The following TMPRSS15 variants were observed in gnomAD, a reference collection of about 807,000 sequenced individuals.
TMPRSS15 encodes the protein transmembrane serine protease 15, also known as enteropeptidase.
Under a neutral mutation model 125.3 loss-of-function variants are expected in TMPRSS15, and 128 were observed. The ratio of observed to expected loss-of-function variants is 1.02; its 90% CI spans 0.89 to 1.18. The LOEUF (loss-of-function observed/expected upper bound fraction) is 1.18, where lower values mean the gene tolerates loss of function less well. Among genes scored for constraint, TMPRSS15 ranks in the 50% most tolerant of loss-of-function variants. The pLI is 0.00. For synonymous variants in TMPRSS15, 446 were observed against 423.2 expected, an observed-to-expected ratio of 1.05 and a Z score of -0.66; for missense variants, 1,283 against 1,212.7, an observed-to-expected ratio of 1.06 and a Z score of -0.86.
At chr21:18,466,989 G>T (rs1330532386) in intron 1 of TMPRSS15, among the ~76,000 whole-genome samples, 1 of 152,126 alleles carries the variant, frequency 6.6e-6, no homozygotes, top group Non-Finnish European at 1.5e-5. Flanking sequence ...GTTCACAATA[G>T]CAAAGACTTG....
chr21:18,388,440 A>G (rs2075964316), intron 3 of TMPRSS15, among the ~76,000 whole-genome samples: 1 of 152,186 alleles, frequency 6.6e-6, no homozygotes, highest in Non-Finnish European at 1.5e-5. Flanking sequence ...ATAAAAGTCT[A>G]TATTCATCAA....
chr21:18,433,663 C>CAAAAAAAAAAA (rs58432155), intron 1 of TMPRSS15, among the ~76,000 whole-genome samples: 17 of 62,392 alleles, frequency 2.7e-4, no homozygotes, highest in East Asian at 5.1e-4. Flanking sequence ...GACCTTGTCT[C>CAAAAAAAAAAA]AAAAAAAAAA....
intron 23 of TMPRSS15, among the ~76,000 whole-genome samples, chr21:18,278,445 C>T (rs543126058): frequency 4.6e-5 from 7 of 151,950 alleles, no homozygotes; most frequent in Non-Finnish European, 7.4e-5. Context: ...ATAGGCTGGG[C>T]GCGGTGGCTC....
intron 24 of TMPRSS15, among the ~76,000 whole-genome samples, chr21:18,272,843 A>ATATT (rs1197945678): frequency 6.6e-6 from 1 of 152,240 alleles, no homozygotes; most frequent in African/African-American, 2.4e-5. Flanking sequence ...GTGAGATGCT[A>ATATT]TATTTATAAG....
rs1277418076 is a variant in TMPRSS15, at chr21:18,270,064, T to C, written c.2965A>G (p.Thr989Ala). 4.3e-6 allele frequency: 7 copies of C among 1,613,790 alleles called. No homozygotes were observed. The East Asian group carries it at 6.7e-5, about 15-fold the overall frequency. Residue 989 changes from threonine to alanine, a missense_variant, in exon 25 of 25, where the codon ACC (threonine) becomes GCC (alanine). Thr to Ala is a moderately conservative substitution (Grantham distance 58, BLOSUM62 0). Transcript: ENST00000284885. Reference protein sequence around the residue: ...ENNRWFLAGVTSFGYKCALPN... With the variant: ...ENNRWFLAGVASFGYKCALPN... Reference sequence around the variant, plus strand: ...AGGGCACACTTGTATCCAAATGAGGTCACACCAGCAAGGAACCACCTGTTG... The same window carrying C: ...AGGGCACACTTGTATCCAAATGAGGCCACACCAGCAAGGAACCACCTGTTG...
chr21:18,295,063 A>G (rs2074886792), intron 19 of TMPRSS15, among the ~76,000 whole-genome samples: 1 of 152,228 alleles, frequency 6.6e-6, no homozygotes, highest in Non-Finnish European at 1.5e-5. Flanking sequence ...TCATCATTCT[A>G]TAACACAGAG....
At chr21:18,342,945 A>C (rs2075463956) in intron 12 of TMPRSS15, among the ~76,000 whole-genome samples, 1 of 152,224 alleles carries the variant, frequency 6.6e-6, no homozygotes, top group South Asian at 2.1e-4. Flanking sequence ...TTTTAATTGC[A>C]AAGACCCTCA....
intron 21 of TMPRSS15, among the ~76,000 whole-genome samples, chr21:18,288,224 A>G (rs2074788575): frequency 6.6e-6 from 1 of 152,192 alleles, no homozygotes; most frequent in South Asian, 2.1e-4. Flanking sequence ...AAGTGAAACA[A>G]CTCACATGCA....
At chr21:18,440,353 A>G (rs997597313) in intron 1 of TMPRSS15, among the ~76,000 whole-genome samples, 2 of 100,286 alleles carry the variant, frequency 2.0e-5, no homozygotes, top group African/African-American at 3.6e-5. Flanking sequence ...AGCCTGGGCG[A>G]CAGAGCGAAA....
intron 18 of TMPRSS15, among the ~76,000 whole-genome samples, chr21:18,311,263 C>T (rs2075098791): frequency 6.6e-6 from 1 of 152,070 alleles, no homozygotes; most frequent in Admixed American, 6.6e-5. Context: ...AAAGCTTCTA[C>T]ACAGCAAAGG....
At chr21:18,368,289 T>C (rs1292208281) in intron 6 of TMPRSS15, among the ~76,000 whole-genome samples, 2 of 152,216 alleles carry the variant, frequency 1.3e-5, no homozygotes, top group East Asian at 1.9e-4. Flanking sequence ...ACGTCTCTAG[T>C]TTCAAAGATG....
intron 4 of TMPRSS15, among the ~76,000 whole-genome samples, chr21:18,380,167 T>TCACTCACACACA (rs144691737): frequency 1.5e-4 from 21 of 139,414 alleles, no homozygotes; most frequent in African/African-American, 5.6e-4. Context: ...TATGGAGATG[T>TCACTCACACACA]CACACACACA....
rs28473094 is a variant in TMPRSS15, at chr21:18,284,706, T to A, written c.2487-3485A>T. On this transcript the variant is annotated intron_variant, in intron 21 of 24. Transcript: ENST00000284885. Reference sequence around the variant, plus strand: ...AGGAAATCCCCAATCCGGTGGAGGATAAAGATCGCAAAGATAGGGCATCTT... The same window carrying A: ...AGGAAATCCCCAATCCGGTGGAGGAAAAAGATCGCAAAGATAGGGCATCTT... Among the ~76,000 whole-genome samples, 1,368 of 152,220 alleles carry A rather than the reference T, an allele frequency of 9.0e-3. 17 individuals carry two copies. The highest frequency in any genetic ancestry group is 0.029 in the African/African-American group (1,217 of 41,518).
At chr21:18,393,262 T>C (rs941340532) in intron 3 of TMPRSS15, among the ~76,000 whole-genome samples, 5 of 152,042 alleles carry the variant, frequency 3.3e-5, no homozygotes, top group Non-Finnish European at 7.4e-5. Flanking sequence ...AAAAAACTAG[T>C]AACTACAAGC....
At chr21:18,426,947 AG>A (rs35272165) in intron 1 of TMPRSS15, among the ~76,000 whole-genome samples, 1 of 152,258 alleles carries the variant, frequency 6.6e-6, no homozygotes. Flanking sequence ...AAACACATAA[AG>A]GAAGTGTTCG....
chr21:18,339,516 T>C (rs1440512322), intron 13 of TMPRSS15, among the ~76,000 whole-genome samples: 1 of 152,186 alleles, frequency 6.6e-6, no homozygotes, highest in African/African-American at 2.4e-5. Flanking sequence ...ACTGATTTGC[T>C]GATATAATTT....
At chr21:18,473,818 A>G (rs1301349516) in intron 1 of TMPRSS15, among the ~76,000 whole-genome samples, 1 of 152,092 alleles carries the variant, frequency 6.6e-6, no homozygotes, top group Non-Finnish European at 1.5e-5. Flanking sequence ...ATTTTTTAAA[A>G]ATACATTCTT....
chr21:18,277,924 A>C (rs2074641306), intron 23 of TMPRSS15, among the ~76,000 whole-genome samples: 1 of 152,188 alleles, frequency 6.6e-6, no homozygotes, highest in Non-Finnish European at 1.5e-5. Context: ...TTGTGGTTAC[A>C]TTTAGAGGGT....
intron 21 of TMPRSS15, 75 bp downstream of exon 21, chr21:18,294,195 T>C: frequency 6.4e-7 from 1 of 1,565,186 alleles, no homozygotes. Flanking sequence ...TTTGTGATGC[T>C]GCATGAAATG....
Sources: gnomAD v4.1 joint callset for allele counts (sites outside exome capture counted in the v4.1 genomes callset) on GRCh38, gnomAD v4.1.1 for gene constraint, MANE v1.5 for transcripts, NCBI Gene and HGNC (gene_info 2026-07-23, HGNC 2026-07-21) for gene names.